Variants in CFAP157 observed in about 807,000 individuals in gnomAD.
CFAP157 encodes cilia- and flagella-associated protein 157.
Under a neutral mutation model 57.8 loss-of-function variants are expected in CFAP157, and 43 were observed. The observed-to-expected ratio is 0.74, with a 90% CI of 0.58 to 0.96. The LOEUF (loss-of-function observed/expected upper bound fraction) is 0.96, where lower values mean the gene tolerates loss of function less well. CFAP157 is among the 40% of genes least tolerant of loss of function. CFAP157 has a pLI of 0.00. For synonymous variants in CFAP157, 267 were observed against 269.0 expected (o/e 0.99, Z 0.07); for missense variants, 606 against 655.3 (o/e 0.92, Z 0.82).
chr9:127,715,862 C>A lies in CFAP157; in HGVS notation c.*1957C>A, dbSNP rs566790852. 51 of 908,862 alleles carry A rather than the reference C, an allele frequency of 5.6e-5. No homozygotes were observed. The South Asian group carries it at 8.2e-4, about 15-fold the overall frequency. The allele number at this position is 908,862 out of a possible 1,614,324, so 56.3% of individuals were successfully genotyped here. ...GTGTCCCTTCGGGACTTGTGTGGGA[C>A]GCTCGGAGCTCTTGCTTGACCTTCG... is the stretch of plus-strand genomic sequence containing the variant. On this transcript the variant is annotated 3_prime_UTR_variant, in exon 9 of 9. Transcript: ENST00000373295. This position sits in a 1 kb window ranked among gnomAD's most constrained non-coding sequence, Gnocchi z 5.8.
In CFAP157 at chr9:127,715,913, G is replaced by A. The variant is rs1842971317; in HGVS notation, c.*2008G>A. The A allele has an allele frequency of 1.2e-5, 9 of 758,812 alleles. No individual in the cohort carries two copies. In the South Asian group the frequency reaches 1.5e-4, roughly 12 times the overall value. 47.0% of individuals were successfully genotyped at this position (758,812 alleles called of 1,614,324 possible). On this transcript the variant is annotated 3_prime_UTR_variant, in exon 9 of 9. Transcript: ENST00000373295. The surrounding 1 kb of genome is among the most constrained non-coding windows in gnomAD (Gnocchi z 5.8). ...GTTGGGAGGCCTTGTTATGCCCCCC[G>A]CTATGGCCCTGACTTGCGGCGAAAA... is the stretch of plus-strand genomic sequence containing the variant.
In CFAP157 at chr9:127,715,752, T is replaced by A; in HGVS notation, c.*1847T>A. On this transcript the variant is annotated 3_prime_UTR_variant, in exon 9 of 9. Transcript: ENST00000373295. The surrounding 1 kb of genome is among the most constrained non-coding windows in gnomAD (Gnocchi z 5.8). ...AACGTCCAATCCGGGCCGGGCTACG[T>A]GGCCGCCATGCTTCTGAGGGGCGGA... 1.3e-6 allele frequency: 2 copies of A among 1,530,820 alleles called. No individual in the cohort carries two copies. Among genetic ancestry groups the A allele is most frequent in the Non-Finnish European group, 1.7e-6 (2 of 1,144,014 alleles). 94.8% of individuals were successfully genotyped at this position (1,530,820 alleles called of 1,614,324 possible).
rs754601933 is a variant in CFAP157, at chr9:127,715,447, C to T, written c.*1542C>T. ...GCACTGAACTCACCAGTTAAGAAAACAGAGCAGCAATTTGGGGGCACTCGG... is the reference window on the plus strand; with the variant it reads ...GCACTGAACTCACCAGTTAAGAAAATAGAGCAGCAATTTGGGGGCACTCGG... On this transcript the variant is annotated 3_prime_UTR_variant, in exon 9 of 9. Coordinates refer to ENST00000373295, the MANE Select transcript of CFAP157 (RefSeq NM_001012502.3). The surrounding 1 kb of genome is among the most constrained non-coding windows in gnomAD (Gnocchi z 5.8). 44 of 1,543,046 alleles carry T rather than the reference C, an allele frequency of 2.9e-5. No homozygotes were observed. The South Asian group carries it at 5.0e-4, about 18-fold the overall frequency.
In CFAP157 at chr9:127,714,157, G is replaced by A. The variant is rs144597665; in HGVS notation, c.*252G>A. 2.6e-5 allele frequency: 42 copies of A among 1,613,720 alleles called. No homozygotes were observed. The highest frequency in any genetic ancestry group is 1.3e-4 in the African/African-American group (10 of 74,934). On this transcript the variant is annotated 3_prime_UTR_variant, in exon 9 of 9. Coordinates refer to ENST00000373295, the MANE Select transcript of CFAP157 (RefSeq NM_001012502.3). The stretch of plus-strand genomic sequence containing the variant: ...CACGGATGTGGTCCAAGATCAGGTC[G>A]GTGGCTCGATCCAGCAACAGAGGCA...
chr9:127,713,312 T>C, intron 8 of CFAP157, 106 bp downstream of exon 8: 2 of 871,672 alleles, frequency 2.3e-6, no homozygotes, highest in Non-Finnish European at 3.4e-6. Flanking sequence ...TGTAACCAGA[T>C]CTCTCTGAGC....
chr9:127,707,431 T>C (rs1323632605), intron 1 of CFAP157, among the ~76,000 whole-genome samples: 4 of 152,152 alleles, frequency 2.6e-5, no homozygotes, highest in African/African-American at 2.4e-5. Context: ...CCCACGATGC[T>C]AGCTCGTGGC....
intron 1 of CFAP157, among the ~76,000 whole-genome samples, chr9:127,707,534 C>A (rs1410849773): frequency 1.3e-5 from 2 of 152,096 alleles, no homozygotes; most frequent in African/African-American, 4.8e-5. Flanking sequence ...CTCTGGCAGG[C>A]GGGTGGACCC....
rs750685095 is a variant in CFAP157 at position 127,709,652 on chromosome 9, A to G, written c.392A>G (p.Gln131Arg). 2.5e-6 allele frequency: 4 copies of G among 1,613,770 alleles called. No homozygotes were observed. The Admixed American group carries it at 5.0e-5, about 20-fold the overall frequency. Residue 131 changes from glutamine (Q) to arginine (R), a missense_variant, in exon 2 of 9, where the codon CAG becomes CGG. Gln to Arg is a conservative substitution (Grantham distance 43). Coordinates refer to ENST00000373295, the MANE Select transcript of CFAP157 (RefSeq NM_001012502.3). This position sits in a 1 kb window ranked among gnomAD's most constrained non-coding sequence, Gnocchi z 4.7. ...CTGGCCCAGGTGCGCCACGAGTTCC[A>G]GGAGACCAAGGACCAGCTCACCACG... ...AQLAQVRHEF[Q>R]ETKDQLTTEN...
In CFAP157 at chr9:127,715,281, C is replaced by G. The variant is rs937408676; in HGVS notation, c.*1376C>G. On this transcript the variant is annotated 3_prime_UTR_variant, in exon 9 of 9. Transcript: ENST00000373295. The surrounding 1 kb of genome is among the most constrained non-coding windows in gnomAD (Gnocchi z 5.8). The stretch of plus-strand genomic sequence containing the variant: ...TCCCGTGGGCCCCAACGCAGAGGAG[C>G]GGAAACGCAGAGCAACGCTGCAGTG... 11 of 1,433,986 alleles carry G rather than the reference C, an allele frequency of 7.7e-6. No homozygotes were observed. In the African/African-American group the frequency reaches 9.9e-5, roughly 13 times the overall value. 88.8% of individuals were successfully genotyped at this position (1,433,986 alleles called of 1,614,324 possible). A position where few individuals can be genotyped will look rare whatever the true frequency, so the allele number is the denominator to read the frequency against.
In CFAP157 at chr9:127,715,046, C is replaced by T. The variant is rs1476798433; in HGVS notation, c.*1141C>T. On this transcript the variant is annotated 3_prime_UTR_variant, in exon 9 of 9. Coordinates refer to ENST00000373295, the MANE Select transcript of CFAP157 (RefSeq NM_001012502.3). The surrounding 1 kb of genome is among the most constrained non-coding windows in gnomAD (Gnocchi z 5.8). ...CCGGAGCAGGACCAGTTGGGCATCC[C>T]CCAGCGGGGCCAGGGCGAGGTCGGC... 6.6e-7 allele frequency: 1 copy of T among 1,525,672 alleles called. No individual in the cohort carries two copies. The highest frequency in any genetic ancestry group is 8.8e-7 in the Non-Finnish European group (1 of 1,142,518). 94.5% of individuals were successfully genotyped at this position (1,525,672 alleles called of 1,614,324 possible). A position where few individuals can be genotyped will look rare whatever the true frequency, so the allele number is the denominator to read the frequency against.
chr9:127,714,334 C>A lies in CFAP157; in HGVS notation c.*429C>A, dbSNP rs369609759. The A allele has an allele frequency of 1.1e-5, 17 of 1,614,114 alleles. No homozygotes were observed. The highest frequency in any genetic ancestry group is 1.4e-5 in the Non-Finnish European group (17 of 1,179,982). On this transcript the variant is annotated 3_prime_UTR_variant, in exon 9 of 9. Transcript: ENST00000373295. ...AAGCTTTGGCGAGGTGCTGGGGGAC[C>A]CCTGGCCCACCCGACCCAGTTGCAC... is the stretch of plus-strand genomic sequence containing the variant.
rs886878927 is a variant in CFAP157, at chr9:127,715,856, G to A, written c.*1951G>A. 13 of 945,038 alleles carry A rather than the reference G, an allele frequency of 1.4e-5. No homozygotes were observed. The highest frequency in any genetic ancestry group is 2.0e-5 in the Non-Finnish European group (13 of 638,520). The allele number at this position is 945,038 out of a possible 1,614,324, so 58.5% of individuals were successfully genotyped here. A position where few individuals can be genotyped will look rare whatever the true frequency, so the allele number is the denominator to read the frequency against. On this transcript the variant is annotated 3_prime_UTR_variant, in exon 9 of 9. Coordinates refer to ENST00000373295, the MANE Select transcript of CFAP157 (RefSeq NM_001012502.3). This position sits in a 1 kb window ranked among gnomAD's most constrained non-coding sequence, Gnocchi z 5.8. ...GTCACAGTGTCCCTTCGGGACTTGT[G>A]TGGGACGCTCGGAGCTCTTGCTTGA...
Position 127,713,725 on chromosome 9 carries a change from T to A in CFAP157, c.1492-109T>A. 5 of 864,898 alleles carry A rather than the reference T, an allele frequency of 5.8e-6. No homozygotes were observed. In the South Asian group the frequency reaches 6.9e-5, roughly 12 times the overall value. The allele number at this position is 864,898 out of a possible 1,614,324, so 53.6% of individuals were successfully genotyped here. On this transcript the variant is annotated intron_variant, in intron 8 of 8. Coordinates refer to ENST00000373295, the MANE Select transcript of CFAP157 (RefSeq NM_001012502.3). ...TTTCACCATGTTGGCCAGGCTGGTC[T>A]CGAACTCCTGACGTCAAGCAATCCC...
chr9:127,712,884 G>A lies in CFAP157; in HGVS notation c.1304+9G>A. 1 of 1,604,130 alleles carries A rather than the reference G, an allele frequency of 6.2e-7. No homozygotes were observed. The highest frequency in any genetic ancestry group is 1.1e-5 in the South Asian group (1 of 89,868). On this transcript the variant is annotated intron_variant, in intron 7 of 8. Transcript: ENST00000373295. ...GGCCCACCCAAGGAGAGGTAAGCAA[G>A]TGGCCCTGTGTGGCCTCAGAGGCAG...
At chr9:127,712,027 C>A in intron 5 of CFAP157, 77 bp downstream of exon 5, 1 of 1,529,440 alleles carries the variant, frequency 6.5e-7, no homozygotes, top group Non-Finnish European at 8.8e-7. Flanking sequence ...TCCGATCCCA[C>A]GACCCAGGCC....
intron 5 of CFAP157, 30 bp downstream of exon 5, chr9:127,711,980 C>T (rs374373429): frequency 5.9e-5 from 94 of 1,587,432 alleles, no homozygotes; most frequent in East Asian, 9.1e-5. Flanking sequence ...GGGCGGGCGG[C>T]GGGTGCAGGC....
At position 127,710,768 on chromosome 9, in the gene CFAP157, G is replaced by GC. The variant is rs1429787728; in HGVS notation, c.587+15dup. ...GGACAAGGACAGGTGGGCAAGCGGG[G>GC]CACCCTTTGGGGCCTTTGGAGGCTT... On this transcript the variant is annotated intron_variant, in intron 3 of 8. Transcript: ENST00000373295. 1 of 1,557,342 alleles carries GC rather than the reference G, an allele frequency of 6.4e-7. No individual in the cohort carries two copies. The highest frequency in any genetic ancestry group is 1.2e-5 in the South Asian group (1 of 84,426).
At position 127,710,600 on chromosome 9, in the gene CFAP157, G is replaced by A. The variant is rs780049540; in HGVS notation, c.434-1G>A. 2.5e-6 allele frequency: 4 copies of A among 1,579,330 alleles called. No individual in the cohort carries two copies. In the South Asian group the frequency reaches 4.6e-5, roughly 18 times the overall value. On this transcript the variant is annotated splice_acceptor_variant, in intron 2 of 8. Coordinates refer to ENST00000373295, the MANE Select transcript of CFAP157 (RefSeq NM_001012502.3). LOFTEE classifies it high-confidence loss of function. ...TGGGCCTTGTGCGCTGTGGCGGCCAGGGGGGAAGCTGGCAGCCCTGGAGGA... is the reference window on the plus strand; with the variant it reads ...TGGGCCTTGTGCGCTGTGGCGGCCAAGGGGGAAGCTGGCAGCCCTGGAGGA...
At position 127,715,175 on chromosome 9, in the gene CFAP157, G is replaced by A; in HGVS notation, c.*1270G>A. 3 of 1,529,242 alleles carry A rather than the reference G, an allele frequency of 2.0e-6. No homozygotes were observed. The highest frequency in any genetic ancestry group is 2.6e-6 in the Non-Finnish European group (3 of 1,142,904). The allele number at this position is 1,529,242 out of a possible 1,614,324, so 94.7% of individuals were successfully genotyped here. ...GCTGTGTCGCGTGCCGGGCAGTCCG[G>A]GATTCCCCAGGCCAGCCACCTGCGG... On this transcript the variant is annotated 3_prime_UTR_variant, in exon 9 of 9. Coordinates refer to ENST00000373295, the MANE Select transcript of CFAP157 (RefSeq NM_001012502.3). The surrounding 1 kb of genome is among the most constrained non-coding windows in gnomAD (Gnocchi z 5.8).
Sources: gnomAD v4.1 joint callset for allele counts (sites outside exome capture counted in the v4.1 genomes callset) on GRCh38, gnomAD v4.1.1 for gene constraint, Gnocchi (gnomAD v3.1) non-coding constraint, MANE v1.5 for transcripts, NCBI Gene and HGNC (gene_info 2026-07-23, HGNC 2026-07-21) for gene names.